The following INPP4B variants were observed in gnomAD, a reference collection of about 807,000 sequenced individuals.
The protein encoded by INPP4B is inositol polyphosphate-4-phosphatase type II B, also known as inositol polyphosphate 4-phosphatase type II.
In INPP4B, 55 loss-of-function variants were observed where a neutral mutation model predicts 122.5. The observed-to-expected ratio is 0.45, with a 90% CI of 0.36 to 0.56. The LOEUF is 0.56. INPP4B is among the 20% of genes least tolerant of loss of function. The probability of loss-of-function intolerance (pLI) is 0.00; values close to 1 mark genes in which losing one functional copy is unlikely to be tolerated. For missense variants in INPP4B, 1,000 were observed against 1,097.7 expected, an observed-to-expected ratio of 0.91 and a Z score of 1.26; for synonymous variants, 403 against 388.7, an observed-to-expected ratio of 1.04 and a Z score of -0.43.
chr4:142,117,137 C>A (rs1243263737), intron 21 of INPP4B, among the ~76,000 whole-genome samples: 1 of 152,066 alleles, frequency 6.6e-6, no homozygotes, highest in Admixed American at 6.6e-5. Context: ...CTGAATAGAC[C>A]AATGACAGGC....
chr4:142,116,095 T>A (rs1793186847), intron 21 of INPP4B, among the ~76,000 whole-genome samples: 1 of 152,076 alleles, frequency 6.6e-6, no homozygotes, highest in South Asian at 2.1e-4. Context: ...AGGGATCAAT[T>A]CAACACGAAG....
At chr4:142,550,401 A>T (rs140275583) in intron 2 of INPP4B, among the ~76,000 whole-genome samples, 8 of 152,136 alleles carry the variant, frequency 5.3e-5, no homozygotes, top group African/African-American at 1.9e-4. Flanking sequence ...GCAAACCAGG[A>T]TGTTAGTAAT....
chr4:142,304,342 T>C (rs1360810501), intron 9 of INPP4B, among the ~76,000 whole-genome samples: 1 of 152,080 alleles, frequency 6.6e-6, no homozygotes, highest in Non-Finnish European at 1.5e-5. Context: ...TGTTTTCCCA[T>C]ACAAAATATA....
chr4:142,089,689 A>C (rs556257945), intron 23 of INPP4B, among the ~76,000 whole-genome samples: 1 of 151,626 alleles, frequency 6.6e-6, no homozygotes, highest in South Asian at 2.1e-4. Flanking sequence ...ATACACACAC[A>C]CCCCTCTGTA....
chr4:142,251,126 T>C (rs2627833), intron 11 of INPP4B, among the ~76,000 whole-genome samples: 82,241 of 152,058 alleles, frequency 0.54, 26,850 homozygotes, highest in Non-Finnish European at 0.71. Context: ...AAGTAATATG[T>C]TTGCTTGATT....
At chr4:142,252,690 C>CCAA (rs1316798289) in intron 11 of INPP4B, among the ~76,000 whole-genome samples, 2 of 151,962 alleles carry the variant, frequency 1.3e-5, no homozygotes, top group African/African-American at 4.8e-5. Flanking sequence ...ACCTACATAC[C>CCAA]CAAGAATGTA....
In INPP4B at chr4:142,154,318, C is replaced by A. The variant is rs538496982; in HGVS notation, c.1563+6040G>T. On this transcript the variant is annotated intron_variant, in intron 17 of 25. Transcript: ENST00000262992. ...TCTGTGTAACTAGAACCTTTGTAATCTGCACATTAATAATTAAATAAAGTT... is the reference window on the plus strand; with the variant it reads ...TCTGTGTAACTAGAACCTTTGTAATATGCACATTAATAATTAAATAAAGTT... 2.2e-4 allele frequency among the ~76,000 whole-genome samples: 34 copies of A among 152,240 alleles called. No homozygotes were observed. The East Asian group carries it at 3.1e-3, about 14-fold the overall frequency.
intron 7 of INPP4B, among the ~76,000 whole-genome samples, chr4:142,398,911 C>T (rs1800644349): frequency 6.6e-6 from 1 of 152,106 alleles, no homozygotes; most frequent in African/African-American, 2.4e-5. Flanking sequence ...ATTTAACAAG[C>T]TGATGGTACC....
At chr4:142,382,853 C>T (rs1226373077) in intron 7 of INPP4B, among the ~76,000 whole-genome samples, 7 of 151,186 alleles carry the variant, frequency 4.6e-5, no homozygotes, top group Admixed American at 4.6e-4. Flanking sequence ...ATTTTCTCAT[C>T]GTCTTTCCTA....
At chr4:142,502,895 T>C (rs1301311612) in intron 2 of INPP4B, among the ~76,000 whole-genome samples, 2 of 152,132 alleles carry the variant, frequency 1.3e-5, no homozygotes, top group Non-Finnish European at 2.9e-5. Flanking sequence ...TTTCTCCTAC[T>C]GCAAAACTCA....
intron 2 of INPP4B, among the ~76,000 whole-genome samples, chr4:142,692,930 G>GATAGATAGATAGATACATAGATAC (rs1322306964): frequency 1.1e-4 from 17 of 150,376 alleles, no homozygotes; most frequent in South Asian, 4.2e-4. Context: ...TAGATAGATA[G>GATAGATAGATAGATACATAGATAC]ATAGATACAT....
intron 7 of INPP4B, among the ~76,000 whole-genome samples, chr4:142,400,847 G>T (rs1241984572): frequency 1.3e-5 from 2 of 152,144 alleles, no homozygotes; most frequent in African/African-American, 4.8e-5. Flanking sequence ...GAGTACATTA[G>T]TTGTCTATCT....
chr4:142,076,943 A>G (rs186287805), intron 25 of INPP4B, among the ~76,000 whole-genome samples: 202 of 152,162 alleles, frequency 1.3e-3, no homozygotes, highest in African/African-American at 4.5e-3. Context: ...TATTTCAACA[A>G]TAATTGAACT....
chr4:142,429,264 C>G (rs764428930), intron 4 of INPP4B, 47 bp from the exon 5 acceptor site: 3 of 970,508 alleles, frequency 3.1e-6, no homozygotes, highest in African/African-American at 1.7e-5. Flanking sequence ...ATTGAATTAT[C>G]AAGAATATGT....
intron 7 of INPP4B, among the ~76,000 whole-genome samples, chr4:142,315,750 T>C (rs1767363167): frequency 1.3e-5 from 2 of 151,188 alleles, no homozygotes; most frequent in Admixed American, 6.6e-5. Flanking sequence ...ACAAGTTAAA[T>C]GAATATAAAG....
chr4:142,155,919 C>A (rs190794125), intron 17 of INPP4B, among the ~76,000 whole-genome samples: 2 of 149,656 alleles, frequency 1.3e-5, no homozygotes, highest in African/African-American at 4.9e-5. Context: ...TTTCTAAAGT[C>A]TATAAAATTA....
chr4:142,747,519 G>A (rs1175570164), intron 1 of INPP4B, among the ~76,000 whole-genome samples: 1 of 152,098 alleles, frequency 6.6e-6, no homozygotes, highest in Non-Finnish European at 1.5e-5. Flanking sequence ...TCCCATTACT[G>A]TGTATATACC....
At chr4:142,145,067 C>T (rs1440820475) in intron 18 of INPP4B, among the ~76,000 whole-genome samples, 4 of 151,990 alleles carry the variant, frequency 2.6e-5, no homozygotes, top group Non-Finnish European at 5.9e-5. Flanking sequence ...TAGACATTTG[C>T]CTTGGTTTTT....
intron 1 of INPP4B, among the ~76,000 whole-genome samples, chr4:142,844,856 G>C (rs1652833305): frequency 6.6e-6 from 1 of 152,116 alleles, no homozygotes; most frequent in Non-Finnish European, 1.5e-5. Context: ...ACCTATAAAA[G>C]AACTATCTGG....
Sources: allele counts gnomAD v4.1 joint callset (sites outside exome capture counted in the v4.1 genomes callset), GRCh38; gene constraint gnomAD v4.1.1; transcripts MANE v1.5; gene names NCBI Gene and HGNC (gene_info 2026-07-23, HGNC 2026-07-21).